RTL4: variants seen among roughly 807,000 people sequenced by gnomAD.
RTL4 encodes retrotransposon Gag like 4.
In RTL4, 4 loss-of-function variants were observed where a neutral mutation model predicts 5.3. The observed-to-expected ratio is 0.75, with a 90% CI of 0.37 to 1.72. The LOEUF is 1.72. Ranked by LOEUF, RTL4 falls within the 40% of genes most tolerant of loss-of-function variation. The probability of loss-of-function intolerance (pLI) is 0.04; values close to 1 mark genes in which losing one functional copy is unlikely to be tolerated. For missense variants in RTL4, 260 were observed against 227.1 expected, an observed-to-expected ratio of 1.14 and a Z score of -0.93; for synonymous variants, 98 against 87.3, an observed-to-expected ratio of 1.12 and a Z score of -0.68.
chrX:112,417,699 A>G, the RTL4 span, among the ~76,000 whole-genome samples: 1 of 111,101 alleles, frequency 9.0e-6, no homozygotes. Context: ...CTTTGGTGTT[A>G]TCTACTTGAC....
chrX:112,281,125 G>A, the RTL4 span, among the ~76,000 whole-genome samples: 2 of 111,361 alleles, frequency 1.8e-5, no homozygotes, highest in Non-Finnish European at 3.8e-5. Context: ...GAAATTTTGT[G>A]TCCTTTGACC....
At chrX:112,124,674 T>TG in the RTL4 span, among the ~76,000 whole-genome samples, 1 of 71,052 alleles carries the variant, frequency 1.4e-5, no homozygotes, top group Non-Finnish European at 2.7e-5. Context: ...GGCCGGTTGT[T>TG]GGGGGGGAGG....
the RTL4 span, among the ~76,000 whole-genome samples, chrX:112,364,750 A>G: frequency 1.8e-5 from 2 of 111,965 alleles, no homozygotes; most frequent in Admixed American, 1.9e-4. Flanking sequence ...TAAAATGACC[A>G]GCAGATAGGG....
the RTL4 span, among the ~76,000 whole-genome samples, chrX:112,253,950 C>G: frequency 1.8e-5 from 2 of 112,332 alleles, no homozygotes; most frequent in African/African-American, 6.5e-5. Flanking sequence ...TTGATCCCCA[C>G]TCACATCCTG....
the RTL4 span, among the ~76,000 whole-genome samples, chrX:112,106,039 G>A: frequency 0.024 from 2,657 of 111,524 alleles, 94 homozygotes; most frequent in African/African-American, 0.082. Flanking sequence ...ACTTTGTTGT[G>A]TTGAAGCACA....
chrX:112,322,456 T>G, the RTL4 span, among the ~76,000 whole-genome samples: 1 of 110,652 alleles, frequency 9.0e-6, no homozygotes, highest in Non-Finnish European at 1.9e-5. Context: ...ATATTTCTTG[T>G]TGGTGTAATC....
the RTL4 span, among the ~76,000 whole-genome samples, chrX:112,326,840 C>G: frequency 9.0e-6 from 1 of 111,632 alleles, no homozygotes; most frequent in Non-Finnish European, 1.9e-5. Context: ...TCAAGTGGGT[C>G]CCTGACCCCT....
At chrX:112,221,774 G>C in the RTL4 span, among the ~76,000 whole-genome samples, 5 of 112,063 alleles carry the variant, frequency 4.5e-5, no homozygotes, top group Admixed American at 9.4e-5. Flanking sequence ...AGGGGTAACG[G>C]ACTAACAAAC....
At chrX:112,105,346 C>A in the RTL4 span, among the ~76,000 whole-genome samples, 5 of 111,438 alleles carry the variant, frequency 4.5e-5, no homozygotes, top group African/African-American at 1.6e-4. Flanking sequence ...TGTTCTTTTG[C>A]TCAAGATTGC....
the RTL4 span, among the ~76,000 whole-genome samples, chrX:112,386,927 T>G: frequency 8.9e-6 from 1 of 112,096 alleles, no homozygotes; most frequent in Non-Finnish European, 1.9e-5. Flanking sequence ...TTATGGAATC[T>G]CCACACCGTT....
At chrX:112,287,551 C>T in the RTL4 span, among the ~76,000 whole-genome samples, 1 of 111,538 alleles carries the variant, frequency 9.0e-6, no homozygotes, top group African/African-American at 3.3e-5. Context: ...AGGCACTGGA[C>T]CAGGCATTGT....
At chrX:112,280,569 G>A in the RTL4 span, among the ~76,000 whole-genome samples, 59 of 110,878 alleles carry the variant, frequency 5.3e-4, no homozygotes, top group Non-Finnish European at 9.8e-4. Flanking sequence ...GCCCACTGCA[G>A]CCTAGACCTC....
At chrX:112,397,152 A>C in the RTL4 span, among the ~76,000 whole-genome samples, 1 of 111,704 alleles carries the variant, frequency 9.0e-6, no homozygotes, top group Admixed American at 9.5e-5. Context: ...CTTGGTATCT[A>C]TCTATTGGAG....
At chrX:112,238,340 C>T in the RTL4 span, among the ~76,000 whole-genome samples, 1 of 111,993 alleles carries the variant, frequency 8.9e-6, no homozygotes, top group Non-Finnish European at 1.9e-5. Flanking sequence ...TATCATTCTA[C>T]ATCTTACTTT....
the RTL4 span, among the ~76,000 whole-genome samples, chrX:112,319,268 G>A: frequency 9.0e-6 from 1 of 111,718 alleles, no homozygotes; most frequent in African/African-American, 3.3e-5. Flanking sequence ...TTCATGCATT[G>A]TACAGTACCC....
At chrX:112,293,898 T>C in the RTL4 span, among the ~76,000 whole-genome samples, 1 of 111,776 alleles carries the variant, frequency 8.9e-6, no homozygotes, top group African/African-American at 3.3e-5. Flanking sequence ...TAGGTTTCCA[T>C]GCATCCTGCT....
the RTL4 span, among the ~76,000 whole-genome samples, chrX:112,201,142 T>C: frequency 0.18 from 19,930 of 110,387 alleles, 1,345 homozygotes; most frequent in Non-Finnish European, 0.2. Context: ...CAAGAAGAAG[T>C]GCTGAGCGAA....
chrX:112,326,556 C>T, the RTL4 span, among the ~76,000 whole-genome samples: 1 of 111,902 alleles, frequency 8.9e-6, no homozygotes, highest in Non-Finnish European at 1.9e-5. Context: ...GATCAAACTG[C>T]AAGGTGGCAG....
the RTL4 span, among the ~76,000 whole-genome samples, chrX:112,440,972 G>A: frequency 0.014 from 1,401 of 97,735 alleles, 11 homozygotes; most frequent in South Asian, 0.031. Context: ...AAAGCATTAG[G>A]AATTGGAGGT....
Sources: allele counts gnomAD v4.1 joint callset (sites outside exome capture counted in the v4.1 genomes callset), GRCh38; gene constraint gnomAD v4.1.1; transcripts MANE v1.5; gene names NCBI Gene and HGNC (gene_info 2026-07-23, HGNC 2026-07-21).